Variants in GDF1 observed in about 807,000 individuals in gnomAD.
The protein encoded by GDF1 is growth differentiation factor 1.
Under a neutral mutation model 7.4 loss-of-function variants are expected in GDF1, and 8 were observed. The ratio of observed to expected loss-of-function variants is 1.09; its 90% CI spans 0.64 to 1.96. The LOEUF is 1.96. Among genes scored for constraint, GDF1 ranks in the 30% most tolerant of loss-of-function variants. The probability of loss-of-function intolerance (pLI) is 0.00; values close to 1 mark genes in which losing one functional copy is unlikely to be tolerated. For missense variants in GDF1, 574 were observed against 551.5 expected (o/e 1.04, Z -0.41); for synonymous variants, 311 against 276.7 (o/e 1.12, Z -1.23).
intron 6 of GDF1, among the ~76,000 whole-genome samples, chr19:18,877,503 C>T (rs1369481262): frequency 2.0e-5 from 3 of 152,184 alleles, no homozygotes; most frequent in African/African-American, 7.2e-5. Flanking sequence ...GTAATCCCAG[C>T]AGCTTTGGGA....
chr19:18,880,870 T>G (rs574498863), intron 3 of GDF1, among the ~76,000 whole-genome samples: 1 of 152,220 alleles, frequency 6.6e-6, no homozygotes, highest in Admixed American at 6.5e-5. Flanking sequence ...GCTAATTTTT[T>G]TAATTTTTAG....
At chr19:18,890,021 C>A (rs2056453327) in intron 2 of GDF1, among the ~76,000 whole-genome samples, 1 of 152,246 alleles carries the variant, frequency 6.6e-6, no homozygotes, top group Non-Finnish European at 1.5e-5. Context: ...TGTCAGCCCC[C>A]TCCTGGACCC....
chr19:18,889,952 T>C (rs2056451531), intron 2 of GDF1, among the ~76,000 whole-genome samples: 1 of 152,154 alleles, frequency 6.6e-6, no homozygotes, highest in Non-Finnish European at 1.5e-5. Flanking sequence ...GCCACTTTGC[T>C]CCCATCCCCT....
chr19:18,869,032 C>T lies in GDF1; in HGVS notation c.684G>A (p.Ala228=). The T allele has an allele frequency of 3.7e-6, 4 of 1,076,468 alleles. No individual in the cohort carries two copies. The highest frequency in any genetic ancestry group is 3.4e-6 in the Non-Finnish European group (3 of 889,586). 66.7% of individuals were successfully genotyped at this position (1,076,468 alleles called of 1,614,324 possible). A position where few individuals can be genotyped will look rare whatever the true frequency, so the allele number is the denominator to read the frequency against. The stretch of plus-strand genomic sequence containing the variant: ...GCAGCAGCGAGGCCTCGGCCAGGCG[C>T]GCGCAGGCGGCAGGGGCCCGGGGGC... ...ALRPRAPAAC[A]RLAEASLLLV... The change falls in exon 8 of 8, where the codon GCG becomes GCA. Residue 228 remains alanine, a synonymous_variant. Coordinates refer to ENST00000247005, the MANE Select transcript of GDF1 (RefSeq NM_001492.6).
intron 4 of GDF1, 115 bp from the exon 5 acceptor site, chr19:18,879,503 C>T (rs2056141789): frequency 1.6e-6 from 2 of 1,256,268 alleles, no homozygotes; most frequent in East Asian, 2.6e-5. Context: ...TTGCCCACCT[C>T]TGCCCACCTG....
In GDF1 at chr19:18,878,482, C is replaced by T. The variant is rs551798078; in HGVS notation, c.-313+448G>A. 2.4e-4 allele frequency: 237 copies of T among 995,214 alleles called. No homozygotes were observed. Among genetic ancestry groups the T allele is most frequent in the South Asian group, 4.0e-4 (9 of 22,566 alleles). 61.6% of individuals were successfully genotyped at this position (995,214 alleles called of 1,614,324 possible). A position where few individuals can be genotyped will look rare whatever the true frequency, so the allele number is the denominator to read the frequency against. ...GTCAAACTCAGAGGCCAGGATGTCT[C>T]GGCCCAGATGGAGCCTGGGTTCTCT... On this transcript the variant is annotated intron_variant, in intron 6 of 7. Transcript: ENST00000247005. This position sits in a 1 kb window ranked among gnomAD's most constrained non-coding sequence, Gnocchi z 4.6.
intron 6 of GDF1, among the ~76,000 whole-genome samples, chr19:18,873,101 G>C (rs1312637208): frequency 6.6e-6 from 1 of 152,166 alleles, no homozygotes; most frequent in African/African-American, 2.4e-5. Context: ...GAGGAGACAA[G>C]ACCCCCTGGG....
chr19:18,895,804 C>T lies in GDF1; in HGVS notation c.-1074+20G>A. 3 of 1,216,782 alleles carry T rather than the reference C, an allele frequency of 2.5e-6. No individual in the cohort carries two copies. The highest frequency in any genetic ancestry group is 2.3e-5 in the South Asian group (1 of 43,072). The allele number at this position is 1,216,782 out of a possible 1,614,324, so 75.4% of individuals were successfully genotyped here. A position where few individuals can be genotyped will look rare whatever the true frequency, so the allele number is the denominator to read the frequency against. ...CCCCCAGTCCGGGGTCCCCTCGTCC[C>T]GGCCCCCGGCCACACTGACCCGAAA... On this transcript the variant is annotated intron_variant, in intron 1 of 7. Transcript: ENST00000247005. This position sits in a 1 kb window ranked among gnomAD's most constrained non-coding sequence, Gnocchi z 6.4.
Position 18,894,319 on chromosome 19 carries a change from C to G in GDF1, c.-1073-744G>C, listed in dbSNP as rs377060398. Among the ~76,000 whole-genome samples, 135 of 152,210 alleles carry G rather than the reference C, an allele frequency of 8.9e-4. 2 individuals carry two copies. In the East Asian group the frequency reaches 0.016, roughly 18 times the overall value. On this transcript the variant is annotated intron_variant, in intron 1 of 7. Transcript: ENST00000247005. ...CCCCACCCCTGGACAAGTCCCACCC[C>G]CTTCCCAGAGGCTGAGGGGGCCGGA...
At position 18,870,245 on chromosome 19, in the gene GDF1, C is replaced by T. The variant is rs1157966656; in HGVS notation, c.63G>A (p.Leu21=). 7.1e-6 allele frequency: 11 copies of T among 1,551,126 alleles called. No homozygotes were observed. Among genetic ancestry groups the T allele is most frequent in the African/African-American group, 4.1e-5 (3 of 73,134 alleles). The change falls in exon 7 of 8, where the codon CTG becomes CTA. Residue 21 remains leucine (L), a synonymous_variant. Transcript: ENST00000247005. The surrounding 1 kb of genome is among the most constrained non-coding windows in gnomAD (Gnocchi z 5.1). ...HHLLLLLALL[L]PSLPLTRAPV... ...GGGCGCGGGTCAGGGGCAGCGAGGG[C>T]AGCAGCAGGGCCAGGAGGAGGAGGA... is the stretch of plus-strand genomic sequence containing the variant.
At chr19:18,886,005 C>G (rs904654094) in intron 2 of GDF1, among the ~76,000 whole-genome samples, 2 of 152,238 alleles carry the variant, frequency 1.3e-5, no homozygotes, top group African/African-American at 4.8e-5. Context: ...TCCTGGTGCA[C>G]CTGACCACCA....
rs2055956719 is a variant in GDF1, at chr19:18,870,843, C to T, written c.-312-224G>A. Among the ~76,000 whole-genome samples, 1 of 152,144 alleles carries T rather than the reference C, an allele frequency of 6.6e-6. No homozygotes were observed. Among genetic ancestry groups the T allele is most frequent in the Non-Finnish European group, 1.5e-5 (1 of 68,016 alleles). On this transcript the variant is annotated intron_variant, in intron 6 of 7. Transcript: ENST00000247005. This position sits in a 1 kb window ranked among gnomAD's most constrained non-coding sequence, Gnocchi z 5.1. ...AGGCACGTATGTCCCCCCTGGCACC[C>T]TGGCACTTCCTCCTTGCTTCCCCCT...
In GDF1 at chr19:18,870,831, C is replaced by A. The variant is rs375134261; in HGVS notation, c.-312-212G>T. On this transcript the variant is annotated intron_variant, in intron 6 of 7. Coordinates refer to ENST00000247005, the MANE Select transcript of GDF1 (RefSeq NM_001492.6). This position sits in a 1 kb window ranked among gnomAD's most constrained non-coding sequence, Gnocchi z 5.1. The stretch of plus-strand genomic sequence containing the variant: ...AACCTGCCCCGTAGGCACGTATGTC[C>A]CCCCTGGCACCCTGGCACTTCCTCC... Among the ~76,000 whole-genome samples, 25 of 152,198 alleles carry A rather than the reference C, an allele frequency of 1.6e-4. No homozygotes were observed. Among genetic ancestry groups the A allele is most frequent in the African/African-American group, 5.8e-4 (24 of 41,524 alleles).
In GDF1 at chr19:18,893,472, T is replaced by C. The variant is rs572903615; in HGVS notation, c.-970A>G. ...GGGGTAGTCGGTGCCAAACAGCAGGTAGGCACTGTAGCTCCAGCTGCCCAG... is the reference window on the plus strand; with the variant it reads ...GGGGTAGTCGGTGCCAAACAGCAGGCAGGCACTGTAGCTCCAGCTGCCCAG... On this transcript the variant is annotated 5_prime_UTR_variant, in exon 2 of 8. Transcript: ENST00000247005. The C allele has an allele frequency of 1.2e-6, 2 of 1,606,960 alleles. No individual in the cohort carries two copies. The highest frequency in any genetic ancestry group is 8.5e-7 in the Non-Finnish European group (1 of 1,177,044).
intron 5 of GDF1, 61 bp from the exon 6 acceptor site, chr19:18,879,100 C>T: frequency 6.3e-7 from 1 of 1,595,710 alleles, no homozygotes; most frequent in Non-Finnish European, 8.5e-7. Context: ...GCCCTGCTGA[C>T]AGCCATGTGC....
chr19:18,877,335 TGA>T (rs1368394575), intron 6 of GDF1, among the ~76,000 whole-genome samples: 1 of 152,212 alleles, frequency 6.6e-6, no homozygotes, highest in Non-Finnish European at 1.5e-5. Flanking sequence ...GTCCCCACCA[TGA>T]GCTCACTGTT....
intron 2 of GDF1, among the ~76,000 whole-genome samples, chr19:18,885,671 C>G (rs187312501): frequency 6.6e-5 from 10 of 151,814 alleles, no homozygotes; most frequent in Admixed American, 5.9e-4. Flanking sequence ...AGGCACCCAC[C>G]ACCATGCCTG....
intron 3 of GDF1, among the ~76,000 whole-genome samples, chr19:18,881,208 C>CT (rs1196828217): frequency 1.8e-4 from 26 of 146,976 alleles, no homozygotes; most frequent in South Asian, 8.7e-4. Context: ...CATCAGGATC[C>CT]TTTTTTTTTT....
Position 18,870,218 on chromosome 19 carries a change from G to C in GDF1, c.90C>G (p.Pro30=). 6.4e-7 allele frequency: 1 copy of C among 1,554,748 alleles called. No homozygotes were observed. The highest frequency in any genetic ancestry group is 1.2e-5 in the South Asian group (1 of 84,898). The change falls in exon 7 of 8, where the codon CCC becomes CCG. Residue 30 remains proline (P), a synonymous_variant. Coordinates refer to ENST00000247005, the MANE Select transcript of GDF1 (RefSeq NM_001492.6). The surrounding 1 kb of genome is among the most constrained non-coding windows in gnomAD (Gnocchi z 5.1). ...LLPSLPLTRA[P]VPPGPAAALL... ...GGGCGGCGGCTGGGCCTGGGGGCACGGGGGCGCGGGTCAGGGGCAGCGAGG... is the reference window on the plus strand; with the variant it reads ...GGGCGGCGGCTGGGCCTGGGGGCACCGGGGCGCGGGTCAGGGGCAGCGAGG...
Sources: gnomAD v4.1 joint callset for allele counts (sites outside exome capture counted in the v4.1 genomes callset) on GRCh38, gnomAD v4.1.1 for gene constraint, Gnocchi (gnomAD v3.1) non-coding constraint, MANE v1.5 for transcripts, NCBI Gene and HGNC (gene_info 2026-07-23, HGNC 2026-07-21) for gene names.